RASSF2: variants seen among roughly 807,000 people sequenced by gnomAD.
RASSF2 encodes ras association domain-containing protein 2.
Under a neutral mutation model 46.3 loss-of-function variants are expected in RASSF2, and 34 were observed. The observed-to-expected ratio is 0.73, with a 90% CI of 0.56 to 0.98. The LOEUF is 0.98. RASSF2 is among the 50% of genes least tolerant of loss of function. RASSF2 has a pLI of 0.00. For missense variants in RASSF2, 364 were observed against 431.2 expected, an observed-to-expected ratio of 0.84 and a Z score of 1.38; for synonymous variants, 158 against 162.5, an observed-to-expected ratio of 0.97 and a Z score of 0.21.
At chr20:4,789,953 G>A (rs1925725381) in intron 7 of RASSF2, among the ~76,000 whole-genome samples, 1 of 152,124 alleles carries the variant, frequency 6.6e-6, no homozygotes, top group Non-Finnish European at 1.5e-5. Context: ...CTCCCACCAT[G>A]TATTGCCTCC....
intron 5 of RASSF2, among the ~76,000 whole-genome samples, chr20:4,793,374 G>C (rs963478392): frequency 2.6e-5 from 4 of 152,220 alleles, no homozygotes; most frequent in Admixed American, 2.6e-4. Context: ...AACAACCCAT[G>C]GTGAGAAGAG....
At chr20:4,811,508 G>A (rs574277734) in intron 2 of RASSF2, among the ~76,000 whole-genome samples, 4 of 152,282 alleles carry the variant, frequency 2.6e-5, no homozygotes, top group African/African-American at 9.6e-5. Flanking sequence ...AACCTGGTAG[G>A]GAAAGAGCTG....
At chr20:4,799,334 G>A (rs1926668457) in intron 3 of RASSF2, among the ~76,000 whole-genome samples, 1 of 152,170 alleles carries the variant, frequency 6.6e-6, no homozygotes, top group Non-Finnish European at 1.5e-5. Context: ...CATCAACCCT[G>A]AGAATGCACA....
intron 2 of RASSF2, among the ~76,000 whole-genome samples, chr20:4,802,642 T>A: frequency 6.6e-6 from 1 of 151,946 alleles, no homozygotes; most frequent in East Asian, 1.9e-4. Flanking sequence ...TTTTATAGAA[T>A]GGTGATTCTT....
intron 3 of RASSF2, among the ~76,000 whole-genome samples, chr20:4,798,296 G>A (rs144147370): frequency 4.6e-5 from 7 of 152,202 alleles, no homozygotes; most frequent in African/African-American, 1.7e-4. Flanking sequence ...TCAAGAGTGA[G>A]CACCACCCCA....
At chr20:4,784,435 C>G (rs1379764179) in intron 11 of RASSF2, 93 bp from the exon 12 acceptor site, 1 of 1,220,258 alleles carries the variant, frequency 8.2e-7, no homozygotes, top group African/African-American at 1.5e-5. Context: ...CAAGGTCACA[C>G]CAGGTAACAG....
chr20:4,785,155 CAAAAAAAAA>C (rs11454727), intron 11 of RASSF2, among the ~76,000 whole-genome samples: 2 of 92,572 alleles, frequency 2.2e-5, no homozygotes, highest in Admixed American at 1.2e-4. Context: ...ACTAAAAATA[CAAAAAAAAA>C]AAAAAAAAAA....
chr20:4,822,794 G>C (rs6037977), intron 1 of RASSF2, among the ~76,000 whole-genome samples: 34,264 of 152,064 alleles, frequency 0.23, 4,368 homozygotes, highest in African/African-American at 0.34. Flanking sequence ...CCGCCTCCCC[G>C]CGCCGGGGAC....
intron 2 of RASSF2, among the ~76,000 whole-genome samples, chr20:4,815,795 T>C (rs1343836196): frequency 6.6e-6 from 1 of 152,144 alleles, no homozygotes; most frequent in Non-Finnish European, 1.5e-5. Flanking sequence ...TGTGGTCAGC[T>C]CCCAAGCCAG....
At chr20:4,818,510 A>G (rs928882479) in intron 2 of RASSF2, among the ~76,000 whole-genome samples, 1 of 152,178 alleles carries the variant, frequency 6.6e-6, no homozygotes, top group African/African-American at 2.4e-5. Flanking sequence ...CCAAGTGCCA[A>G]TGGCGCACAA....
intron 2 of RASSF2, among the ~76,000 whole-genome samples, chr20:4,817,472 C>CTCCT: frequency 6.6e-6 from 1 of 152,276 alleles, no homozygotes; most frequent in Non-Finnish European, 1.5e-5. Context: ...TTCTCCAAAC[C>CTCCT]TCCTTCCAAA....
At position 4,784,158 on chromosome 20, in the gene RASSF2, G is replaced by T; in HGVS notation, c.*115C>A. On this transcript the variant is annotated 3_prime_UTR_variant, in exon 12 of 12. Coordinates refer to ENST00000379400, the MANE Select transcript of RASSF2 (RefSeq NM_014737.3). ...CCAGGTAGCAAATGATGGCTTGGCC[G>T]GAGCTGGGGAGGTTTGTGTCTAAAT... 9.4e-7 allele frequency: 1 copy of T among 1,066,866 alleles called. No homozygotes were observed. The highest frequency in any genetic ancestry group is 1.4e-6 in the Non-Finnish European group (1 of 700,340). The allele number at this position is 1,066,866 out of a possible 1,614,324, so 66.1% of individuals were successfully genotyped here. A position where few individuals can be genotyped will look rare whatever the true frequency, so the allele number is the denominator to read the frequency against.
At chr20:4,784,592 C>CAAA (rs71197728) in intron 11 of RASSF2, among the ~76,000 whole-genome samples, 13 of 89,880 alleles carry the variant, frequency 1.4e-4, no homozygotes, top group Admixed American at 2.5e-4. Flanking sequence ...AACATCTAGC[C>CAAA]AAAAAAAAAA....
Position 4,795,688 on chromosome 20 carries a change from A to C in RASSF2, c.287+127T>G. On this transcript the variant is annotated intron_variant, in intron 5 of 11. Transcript: ENST00000379400. The surrounding 1 kb of genome is among the most constrained non-coding windows in gnomAD (Gnocchi z 4.0). ...CATTCCAAGGCTAAGGCAGGTGGGC[A>C]GTAGAGGTAGTAGGAGGAGGAGCCA... The C allele has an allele frequency of 8.6e-7, 1 of 1,157,328 alleles. No individual in the cohort carries two copies. Among genetic ancestry groups the C allele is most frequent in the Non-Finnish European group, 1.2e-6 (1 of 829,970 alleles). 71.7% of individuals were successfully genotyped at this position (1,157,328 alleles called of 1,614,324 possible). A position where few individuals can be genotyped will look rare whatever the true frequency, so the allele number is the denominator to read the frequency against.
At chr20:4,786,799 C>T (rs939774611) in intron 10 of RASSF2, among the ~76,000 whole-genome samples, 8 of 152,078 alleles carry the variant, frequency 5.3e-5, no homozygotes, top group African/African-American at 1.2e-4. Context: ...AGTTTAAAAA[C>T]GGTGCCAGGC....
intron 2 of RASSF2, among the ~76,000 whole-genome samples, chr20:4,807,310 A>G (rs1333167454): frequency 6.7e-6 from 1 of 149,970 alleles, no homozygotes; most frequent in Non-Finnish European, 1.5e-5. Context: ...CAACCTGTGA[A>G]AATTTTAAAC....
chr20:4,785,425 G>A (rs974986151), intron 11 of RASSF2, among the ~76,000 whole-genome samples: 9 of 152,176 alleles, frequency 5.9e-5, no homozygotes, highest in Admixed American at 3.3e-4. Flanking sequence ...TATGATCATC[G>A]ATACAGCAAA....
At chr20:4,811,385 G>A (rs1487430125) in intron 2 of RASSF2, among the ~76,000 whole-genome samples, 1 of 151,972 alleles carries the variant, frequency 6.6e-6, no homozygotes, top group African/African-American at 2.4e-5. Context: ...CTGACATCCA[G>A]ATTGCAGCCC....
intron 2 of RASSF2, among the ~76,000 whole-genome samples, chr20:4,808,105 A>T (rs1478356028): frequency 2.6e-5 from 4 of 152,330 alleles, no homozygotes; most frequent in African/African-American, 9.6e-5. Context: ...AGGAATGTGG[A>T]TTCAATTGGA....
Sources: gnomAD v4.1 joint callset for allele counts (sites outside exome capture counted in the v4.1 genomes callset) on GRCh38, gnomAD v4.1.1 for gene constraint, Gnocchi (gnomAD v3.1) non-coding constraint, MANE v1.5 for transcripts, NCBI Gene and HGNC (gene_info 2026-07-23, HGNC 2026-07-21) for gene names.